CPED1: variants seen among roughly 807,000 people sequenced by gnomAD.
CPED1 encodes the protein cadherin-like and PC-esterase domain-containing protein 1.
CPED1 carries 114 observed loss-of-function variants against 128.2 expected under a neutral mutation model. The ratio of observed to expected loss-of-function variants is 0.89; its 90% CI spans 0.76 to 1.04. The LOEUF is 1.04. Among genes scored for constraint, CPED1 ranks in the 50% least tolerant of loss-of-function variants. The probability of loss-of-function intolerance (pLI) is 0.00; values close to 1 mark genes in which losing one functional copy is unlikely to be tolerated. For missense variants in CPED1, 1,211 were observed against 1,207.1 expected (o/e 1.00, Z -0.05); for synonymous variants, 462 against 426.7 (o/e 1.08, Z -1.02).
chr7:121,020,850 A>G (rs1377668232), intron 3 of CPED1, among the ~76,000 whole-genome samples: 1 of 151,808 alleles, frequency 6.6e-6, no homozygotes, highest in East Asian at 1.9e-4. Flanking sequence ...ATTTAAAACA[A>G]TTTTTTCAAA....
intron 7 of CPED1, among the ~76,000 whole-genome samples, chr7:121,117,052 C>T (rs1217890944): frequency 1.5e-5 from 2 of 135,756 alleles, no homozygotes; most frequent in Admixed American, 1.5e-4. Flanking sequence ...CACATATATA[C>T]ACACATTTTA....
At chr7:121,290,547 C>G (rs1181488131) in intron 22 of CPED1, among the ~76,000 whole-genome samples, 4 of 152,210 alleles carry the variant, frequency 2.6e-5, no homozygotes, top group Non-Finnish European at 5.9e-5. Context: ...TTGCATTTCT[C>G]TAATGACCAG....
At chr7:121,135,535 G>C (rs967788925) in intron 13 of CPED1, among the ~76,000 whole-genome samples, 2 of 152,180 alleles carry the variant, frequency 1.3e-5, no homozygotes, top group South Asian at 4.1e-4. Context: ...GTGAAGAGCT[G>C]AGAGAAACTG....
At chr7:121,140,784 C>T (rs1184248042) in intron 14 of CPED1, 43 bp from the exon 15 acceptor site, 3 of 1,352,834 alleles carry the variant, frequency 2.2e-6, no homozygotes, top group Non-Finnish European at 3.1e-6. Flanking sequence ...GATATTTACC[C>T]ACTTCACAGT....
At position 121,133,964 on chromosome 7, in the gene CPED1, A is replaced by G. The variant is rs527430774; in HGVS notation, c.1648+71A>G. On this transcript the variant is annotated intron_variant, in intron 13 of 22. Coordinates refer to ENST00000310396, the MANE Select transcript of CPED1 (RefSeq NM_024913.5). ...TTTCCTGGCAAAAAAATGCAAAACT[A>G]TTTAGCTTCATTAGCAATCAAAAAT... The G allele has an allele frequency of 4.9e-5, 39 of 788,762 alleles. No individual in the cohort carries two copies. In the African/African-American group the frequency reaches 7.0e-4, roughly 14 times the overall value. 48.9% of individuals were successfully genotyped at this position (788,762 alleles called of 1,614,324 possible).
chr7:121,128,976 T>C (rs1055819213), intron 11 of CPED1, among the ~76,000 whole-genome samples: 2 of 151,946 alleles, frequency 1.3e-5, no homozygotes, highest in African/African-American at 4.8e-5. Flanking sequence ...AAAATGTAAA[T>C]AATTATAACT....
intron 16 of CPED1, among the ~76,000 whole-genome samples, chr7:121,177,846 CA>C (rs1305081654): frequency 3.3e-5 from 5 of 151,916 alleles, no homozygotes; most frequent in Non-Finnish European, 7.4e-5. Context: ...TTCTTATGAC[CA>C]GGGGGTAAAG....
chr7:121,023,924 C>T (rs1486547556), intron 3 of CPED1, among the ~76,000 whole-genome samples: 3 of 152,116 alleles, frequency 2.0e-5, no homozygotes, highest in Admixed American at 6.6e-5. Context: ...GCCTAGAACA[C>T]GTTTGACATA....
chr7:120,995,945 TCTCCTCCTC>T (rs10572580), intron 2 of CPED1, among the ~76,000 whole-genome samples: 84 of 147,582 alleles, frequency 5.7e-4, no homozygotes, highest in African/African-American at 1.5e-3. Context: ...TCCTCCTTCT[TCTCCTCCTC>T]CTCCTCCTCC....
intron 21 of CPED1, among the ~76,000 whole-genome samples, chr7:121,270,871 C>T (rs1170185835): frequency 6.6e-6 from 1 of 151,890 alleles, no homozygotes; most frequent in Non-Finnish European, 1.5e-5. Flanking sequence ...TTTTTGGTTC[C>T]ATATGAATTT....
chr7:120,989,398 A>G lies in CPED1; in HGVS notation c.-224A>G, dbSNP rs1796271630. The G allele has an allele frequency of 1.8e-6, 1 of 553,902 alleles. No homozygotes were observed. The allele number at this position is 553,902 out of a possible 1,614,324, so 34.3% of individuals were successfully genotyped here. On this transcript the variant is annotated 5_prime_UTR_variant, in exon 2 of 23. Coordinates refer to ENST00000310396, the MANE Select transcript of CPED1 (RefSeq NM_024913.5). ...GTCTTTTTTTAAACTCAGGTCATCC[A>G]CTTTTGACTGTCATCCATGGAAGAG... is the stretch of plus-strand genomic sequence containing the variant.
rs753666660 is a variant in CPED1 at position 120,989,668 on chromosome 7, G to A, written c.47G>A (p.Arg16Gln). 19 of 1,613,730 alleles carry A rather than the reference G, an allele frequency of 1.2e-5. No homozygotes were observed. The Admixed American group carries it at 2.3e-4, about 20-fold the overall frequency. Residue 16 changes from arginine (R) to glutamine (Q), a missense_variant, in exon 2 of 23, where the codon CGA becomes CAA. Transcript: ENST00000310396. The part of the protein sequence containing the change: ...VFPCRRRFCP[R>Q]PFLVGLVVAI... ...CCTTGTCGTCGGCGATTTTGCCCCC[G>A]ACCCTTCTTGGTGGGCTTAGTGGTG...
chr7:121,170,106 A>G (rs1183532219), intron 16 of CPED1, among the ~76,000 whole-genome samples: 1 of 152,194 alleles, frequency 6.6e-6, no homozygotes, highest in East Asian at 1.9e-4. Flanking sequence ...AGCACGTGGT[A>G]TAAGGTCGAT....
chr7:121,098,515 TA>T (rs1374470201), intron 6 of CPED1, among the ~76,000 whole-genome samples: 1 of 151,618 alleles, frequency 6.6e-6, no homozygotes, highest in Non-Finnish European at 1.5e-5. Flanking sequence ...GAGGATTATT[TA>T]AGCCCAGTAG....
At chr7:121,143,667 A>G (rs1453206720) in intron 16 of CPED1, among the ~76,000 whole-genome samples, 1 of 152,032 alleles carries the variant, frequency 6.6e-6, no homozygotes, top group Admixed American at 6.6e-5. Context: ...TTATTTCTAA[A>G]CTAAATATTC....
At chr7:121,063,434 G>A (rs977212647) in intron 4 of CPED1, among the ~76,000 whole-genome samples, 1 of 136,790 alleles carries the variant, frequency 7.3e-6, no homozygotes, top group African/African-American at 2.7e-5. Flanking sequence ...TGCCCGAAGC[G>A]AGCTACCACC....
At chr7:121,162,672 G>T (rs1430470977) in intron 16 of CPED1, among the ~76,000 whole-genome samples, 2 of 152,198 alleles carry the variant, frequency 1.3e-5, no homozygotes, top group African/African-American at 4.8e-5. Flanking sequence ...GTTTGATTCA[G>T]TGCTTAAACA....
At chr7:121,277,685 TA>T in intron 22 of CPED1, among the ~76,000 whole-genome samples, 1 of 152,238 alleles carries the variant, frequency 6.6e-6, no homozygotes, top group East Asian at 1.9e-4. Flanking sequence ...CTGAGCGAAT[TA>T]AATAAGTCTT....
chr7:121,260,567 G>A (rs953103676), intron 18 of CPED1, among the ~76,000 whole-genome samples: 1 of 151,980 alleles, frequency 6.6e-6, no homozygotes, highest in Non-Finnish European at 1.5e-5. Context: ...TATCACTGTA[G>A]AGCTTTCTAA....
Sources: allele counts gnomAD v4.1 joint callset (sites outside exome capture counted in the v4.1 genomes callset), GRCh38; gene constraint gnomAD v4.1.1; transcripts MANE v1.5; gene names NCBI Gene and HGNC (gene_info 2026-07-23, HGNC 2026-07-21).